Variants in SEC16B observed in about 807,000 individuals in gnomAD.
SEC16B encodes the protein SEC16 homolog B, endoplasmic reticulum export factor, also known as protein transport protein Sec16B.
A neutral mutation model predicts 141.8 loss-of-function variants in SEC16B; 115 were observed. That is an observed-to-expected ratio of 0.81 (90% CI 0.70 to 0.95). The LOEUF is 0.95. Ranked by LOEUF, SEC16B falls within the 40% of genes least tolerant of loss-of-function variation. SEC16B has a pLI of 0.00. For missense variants in SEC16B, 1,291 were observed against 1,312.3 expected (o/e 0.98, Z 0.25); for synonymous variants, 493 against 492.5 (o/e 1.00, Z -0.01).
chr1:177,969,015 CA>C (rs1293002475), intron 1 of SEC16B, among the ~76,000 whole-genome samples: 13 of 152,136 alleles, frequency 8.5e-5, no homozygotes, highest in Non-Finnish European at 5.9e-5. Flanking sequence ...GGGTTGCACC[CA>C]CAAAAGGAAA....
intron 2 of SEC16B, among the ~76,000 whole-genome samples, chr1:177,967,339 T>C (rs900013715): frequency 1.3e-5 from 2 of 152,138 alleles, no homozygotes; most frequent in Admixed American, 1.3e-4. Context: ...ATAGTCTACA[T>C]AAATGAACTT....
chr1:177,965,921 T>C lies in SEC16B; in HGVS notation c.384A>G (p.Gly128=). ...TTTCTTCCTGCAGCCACTGTGGGTGTCCATGATAGTAATAACTTCCATAAG... is the reference window on the plus strand; with the variant it reads ...TTTCTTCCTGCAGCCACTGTGGGTGCCCATGATAGTAATAACTTCCATAAG... ...EYAYGSYYYH[G]HPQWLQEERV... Residue 128 remains glycine (G), a synonymous_variant, in exon 3 of 26, where the codon GGA becomes GGG. Coordinates refer to ENST00000308284, the MANE Select transcript of SEC16B (RefSeq NM_033127.4). The C allele has an allele frequency of 1.3e-6, 2 of 1,595,862 alleles. No homozygotes were observed. The highest frequency in any genetic ancestry group is 1.7e-6 in the Non-Finnish European group (2 of 1,169,826).
At chr1:177,963,000 A>G (rs1040649252) in intron 5 of SEC16B, among the ~76,000 whole-genome samples, 7 of 150,982 alleles carry the variant, frequency 4.6e-5, no homozygotes, top group African/African-American at 1.7e-4. Context: ...CCCAGCTACT[A>G]GGAAGGCCGA....
At chr1:177,932,161 A>G (rs141861108) in intron 24 of SEC16B, among the ~76,000 whole-genome samples, 2,205 of 152,290 alleles carry the variant, frequency 0.014, 30 homozygotes, top group Middle Eastern at 0.048. Context: ...AAGAGGAAGA[A>G]ATCTGAACAC....
intron 12 of SEC16B, chr1:177,948,344 G>A (rs6695715): frequency 0.22 from 284,288 of 1,303,604 alleles, 31,816 homozygotes; most frequent in Middle Eastern, 0.28. Context: ...AGAGGCCACA[G>A]CCTGTCACAG....
intron 13 of SEC16B, 65 bp downstream of exon 13, chr1:177,947,760 A>ACAGGGAGGGGAGGTGAGGGGAGGG: frequency 1.3e-6 from 1 of 761,850 alleles, no homozygotes; most frequent in East Asian, 3.7e-5. Flanking sequence ...GAGGAAAGGG[A>ACAGGGAGGGGAGGTGAGGGGAGGG]CAGGGAGGGG....
chr1:177,939,926 G>A, intron 17 of SEC16B, 149 bp from the exon 18 acceptor site: 2 of 667,922 alleles, frequency 3.0e-6, no homozygotes, highest in Non-Finnish European at 2.5e-6. Flanking sequence ...GGGCCTGGGG[G>A]GTCACGTGGA....
intron 5 of SEC16B, among the ~76,000 whole-genome samples, chr1:177,962,894 G>A (rs1436727344): frequency 2.0e-5 from 3 of 151,656 alleles, no homozygotes; most frequent in African/African-American, 7.3e-5. Context: ...ATCACCTGAG[G>A]TAAGGATTTC....
At chr1:177,943,456 C>A (rs1651433363) in intron 15 of SEC16B, among the ~76,000 whole-genome samples, 1 of 152,096 alleles carries the variant, frequency 6.6e-6, no homozygotes, top group Non-Finnish European at 1.5e-5. Context: ...GCTAATTGGG[C>A]CATTTCTCTA....
chr1:177,948,388 A>G (rs1402176558), intron 12 of SEC16B: 1 of 1,304,786 alleles, frequency 7.7e-7, no homozygotes, highest in Non-Finnish European at 1.0e-6. Flanking sequence ...TTAATGTCTT[A>G]CCAAATGCCT....
At chr1:177,956,372 G>C (rs890082525) in intron 10 of SEC16B, among the ~76,000 whole-genome samples, 1 of 152,042 alleles carries the variant, frequency 6.6e-6, no homozygotes, top group Admixed American at 6.5e-5. Flanking sequence ...CTCTAATATA[G>C]AGTGTTTTCT....
rs1160237862 is a variant in SEC16B at position 177,932,592 on chromosome 1, T to A, written c.2933-23A>T. 2.6e-6 allele frequency: 4 copies of A among 1,539,454 alleles called. No homozygotes were observed. The African/African-American group carries it at 5.5e-5, about 21-fold the overall frequency. On this transcript the variant is annotated intron_variant, in intron 23 of 25. Coordinates refer to ENST00000308284, the MANE Select transcript of SEC16B (RefSeq NM_033127.4). ...CACCTGGAAAGTAATGAGGCAGAGCTGTTTCCTCTGCTCAGGACTGGGGGT... is the reference window on the plus strand; with the variant it reads ...CACCTGGAAAGTAATGAGGCAGAGCAGTTTCCTCTGCTCAGGACTGGGGGT...
intron 18 of SEC16B, 78 bp downstream of exon 18, chr1:177,939,624 T>C: frequency 7.9e-7 from 1 of 1,261,936 alleles, no homozygotes; most frequent in South Asian, 1.3e-5. Context: ...GGGCGAGTGC[T>C]TTCATAAATT....
chr1:177,936,980 C>T (rs1452814047), intron 19 of SEC16B, among the ~76,000 whole-genome samples: 1 of 152,166 alleles, frequency 6.6e-6, no homozygotes. Flanking sequence ...CCCTGCTGTA[C>T]CCAGTGGAGA....
intron 5 of SEC16B, among the ~76,000 whole-genome samples, chr1:177,963,167 T>C (rs61816285): frequency 0.041 from 6,220 of 152,018 alleles, 176 homozygotes; most frequent in Non-Finnish European, 0.059. Context: ...GCTGTACATA[T>C]GTATGTGGCT....
chr1:177,955,238 G>A (rs998851742), intron 10 of SEC16B, among the ~76,000 whole-genome samples: 1 of 152,022 alleles, frequency 6.6e-6, no homozygotes. Context: ...GCTCACACCT[G>A]TAATCCCTAC....
intron 10 of SEC16B, 96 bp downstream of exon 10, chr1:177,958,036 G>C (rs1182536369): frequency 1.3e-6 from 1 of 786,884 alleles, no homozygotes; most frequent in African/African-American, 1.8e-5. Flanking sequence ...TCCCTGAAAT[G>C]AGTATATACT....
rs201842192 is a variant in SEC16B, at chr1:177,950,163, A to T, written c.1545+1751T>A. ...GCCATAAGAAGGATAAAAAAAAAAA[A>T]TGAAAAGTGTGAGGTCGATTTTTAT... On this transcript the variant is annotated intron_variant, in intron 12 of 25. Transcript: ENST00000308284. Among the ~76,000 whole-genome samples the T allele has an allele frequency of 8.2e-5, 12 of 146,192 alleles. No homozygotes were observed. The East Asian group carries it at 2.4e-3, about 29-fold the overall frequency.
intron 18 of SEC16B, among the ~76,000 whole-genome samples, chr1:177,938,944 C>A (rs368499855): frequency 2.6e-5 from 4 of 152,228 alleles, no homozygotes; most frequent in Non-Finnish European, 4.4e-5. Flanking sequence ...GCCAACCCGC[C>A]TGCTCCACTG....
Sources: allele counts gnomAD v4.1 joint callset (sites outside exome capture counted in the v4.1 genomes callset), GRCh38; gene constraint gnomAD v4.1.1; transcripts MANE v1.5; gene names NCBI Gene and HGNC (gene_info 2026-07-23, HGNC 2026-07-21).